Variants in STK32B observed in about 807,000 individuals in gnomAD.
STK32B encodes serine/threonine kinase 32B, also known as serine/threonine-protein kinase 32B.
Under a neutral mutation model 52.6 loss-of-function variants are expected in STK32B, and 43 were observed. The ratio of observed to expected loss-of-function variants is 0.82; its 90% CI spans 0.64 to 1.05. STK32B has a LOEUF of 1.05. Among genes scored for constraint, STK32B ranks in the 50% least tolerant of loss-of-function variants. STK32B has a pLI of 0.00. For missense variants in STK32B, 621 were observed against 534.6 expected (o/e 1.16, Z -1.59); for synonymous variants, 238 against 204.3 (o/e 1.17, Z -1.41).
intron 11 of STK32B, among the ~76,000 whole-genome samples, chr4:5,495,729 G>C (rs951687642): frequency 2.0e-5 from 3 of 152,124 alleles, no homozygotes; most frequent in Non-Finnish European, 4.4e-5. Context: ...GGTCTTTGAT[G>C]ATGGTGATGT....
At chr4:5,173,860 G>A (rs922452128) in intron 3 of STK32B, among the ~76,000 whole-genome samples, 2 of 152,180 alleles carry the variant, frequency 1.3e-5, no homozygotes, top group African/African-American at 4.8e-5. Context: ...GGATATCCTT[G>A]TTAACTTTTT....
In STK32B at chr4:5,230,226, G is replaced by A. The variant is rs118045025; in HGVS notation, c.260+61776G>A. On this transcript the variant is annotated intron_variant, in intron 3 of 11. Coordinates refer to ENST00000282908, the MANE Select transcript of STK32B (RefSeq NM_018401.3). Reference sequence around the variant, plus strand: ...TTTTTTTTTAGTGGAGTCTTGCACCGTCGCCCAGGTTGGAGTGCAGTGGCA... The same window carrying A: ...TTTTTTTTTAGTGGAGTCTTGCACCATCGCCCAGGTTGGAGTGCAGTGGCA... Among the ~76,000 whole-genome samples, 336 of 110,604 alleles carry A rather than the reference G, an allele frequency of 3.0e-3. 8 individuals carry two copies. In the East Asian group the frequency reaches 0.054, roughly 18 times the overall value. The allele number at this position is 110,604 out of a possible 152,430, so 72.6% of individuals were successfully genotyped here. A position where few individuals can be genotyped will look rare whatever the true frequency, so the allele number is the denominator to read the frequency against.
At chr4:5,228,967 C>T (rs188840030) in intron 3 of STK32B, among the ~76,000 whole-genome samples, 6 of 150,082 alleles carry the variant, frequency 4.0e-5, no homozygotes, top group Admixed American at 4.0e-4. Flanking sequence ...AACTCCGTCT[C>T]AAAAGAAAAA....
chr4:5,030,694 A>G, the STK32B span, among the ~76,000 whole-genome samples: 1 of 152,224 alleles, frequency 6.6e-6, no homozygotes, highest in Non-Finnish European at 1.5e-5. Context: ...TTAATAGTGG[A>G]GCCCAGGTTC....
At chr4:5,063,752 A>C (rs535607064) in intron 1 of STK32B, among the ~76,000 whole-genome samples, 1 of 152,222 alleles carries the variant, frequency 6.6e-6, no homozygotes, top group African/African-American at 2.4e-5. Context: ...GTTAGCTACA[A>C]TTAAAGTGTT....
intron 3 of STK32B, among the ~76,000 whole-genome samples, chr4:5,287,076 A>G (rs924088584): frequency 5.3e-5 from 8 of 152,110 alleles, no homozygotes; most frequent in Non-Finnish European, 8.8e-5. Context: ...GATTACAGGC[A>G]TGAGCCACCG....
In STK32B at chr4:5,168,199, C is replaced by T. The variant is rs377155648; in HGVS notation, c.109-100C>T. Reference sequence around the variant, plus strand: ...CCCTAGCAGATTTCAAGAACAGGGACGTGAATCCAGAAGTAAAAATGCAGT... The same window carrying T: ...CCCTAGCAGATTTCAAGAACAGGGATGTGAATCCAGAAGTAAAAATGCAGT... On this transcript the variant is annotated intron_variant, in intron 2 of 11. Coordinates refer to ENST00000282908, the MANE Select transcript of STK32B (RefSeq NM_018401.3). 1.3e-4 allele frequency: 186 copies of T among 1,449,854 alleles called. 1 individual carries two copies. The East Asian group carries it at 2.2e-3, about 18-fold the overall frequency. The allele number at this position is 1,449,854 out of a possible 1,614,324, so 89.8% of individuals were successfully genotyped here.
intron 3 of STK32B, among the ~76,000 whole-genome samples, chr4:5,240,116 A>G (rs557245098): frequency 7.0e-6 from 1 of 142,640 alleles, no homozygotes; most frequent in Non-Finnish European, 1.5e-5. Context: ...CTTGGGTTTG[A>G]CATGTTTGAC....
chr4:5,170,367 G>C (rs1376679311), intron 3 of STK32B, among the ~76,000 whole-genome samples: 3 of 152,032 alleles, frequency 2.0e-5, no homozygotes, highest in Non-Finnish European at 4.4e-5. Context: ...GTGCAGGTTT[G>C]TTACATATGT....
At chr4:5,195,650 G>T (rs183867261) in intron 3 of STK32B, among the ~76,000 whole-genome samples, 1 of 152,080 alleles carries the variant, frequency 6.6e-6, no homozygotes, top group Non-Finnish European at 1.5e-5. Flanking sequence ...CCGAGATCAC[G>T]CACTCTACTC....
At chr4:5,250,579 C>A (rs1024181822) in intron 3 of STK32B, among the ~76,000 whole-genome samples, 2 of 152,268 alleles carry the variant, frequency 1.3e-5, no homozygotes, top group South Asian at 4.1e-4. Flanking sequence ...TCCCAAAGTG[C>A]TAGGATTACA....
intron 3 of STK32B, among the ~76,000 whole-genome samples, chr4:5,245,683 T>A (rs1725393942): frequency 6.6e-6 from 1 of 152,204 alleles, no homozygotes; most frequent in Admixed American, 6.5e-5. Flanking sequence ...GTCTTTACAA[T>A]TTGGCATGTT....
At chr4:5,218,008 T>TTAC (rs567845726) in intron 3 of STK32B, among the ~76,000 whole-genome samples, 4 of 150,846 alleles carry the variant, frequency 2.7e-5, no homozygotes, top group African/African-American at 9.8e-5. Flanking sequence ...ATTATTATTA[T>TTAC]TACTCTTGGT....
intron 5 of STK32B, among the ~76,000 whole-genome samples, chr4:5,407,834 G>C (rs1207336490): frequency 6.6e-6 from 1 of 152,120 alleles, no homozygotes; most frequent in Admixed American, 6.5e-5. Flanking sequence ...ATTACAATCA[G>C]ACATGAGATT....
intron 5 of STK32B, among the ~76,000 whole-genome samples, chr4:5,401,208 A>G (rs546386322): frequency 1.3e-5 from 2 of 152,330 alleles, no homozygotes; most frequent in South Asian, 4.1e-4. Flanking sequence ...TAAGATGAGC[A>G]GGACAGTATG....
rs16836650 is a variant in STK32B, at chr4:5,109,372, C to T, written c.53-30533C>T. ...AAGGACACACACATGGACGAATGCT[C>T]TTGCTGAAGACAGACAGTGGAGCTA... is the stretch of plus-strand genomic sequence containing the variant. On this transcript the variant is annotated intron_variant, in intron 1 of 11. Transcript: ENST00000282908. Among the ~76,000 whole-genome samples, 1,136 of 152,270 alleles carry T rather than the reference C, an allele frequency of 7.5e-3. 14 individuals are homozygous for T. Among genetic ancestry groups the T allele is most frequent in the Middle Eastern group, 0.031 (9 of 294 alleles).
At position 5,460,172 on chromosome 4, in the gene STK32B, G is replaced by A. The variant is rs553561922; in HGVS notation, c.853G>A (p.Asp285Asn). The change falls in exon 9 of 12, where the codon GAC becomes AAC. Residue 285 changes from aspartate (D) to asparagine (N), a missense_variant. Transcript: ENST00000282908. The surrounding 1 kb of genome is among the most constrained non-coding windows in gnomAD (Gnocchi z 4.8). ...CATACAGAGCGTGCCCTACTTGGCCGACATGAACTGGGACGCGGTGTTCAA... is the reference window on the plus strand; with the variant it reads ...CATACAGAGCGTGCCCTACTTGGCCAACATGAACTGGGACGCGGTGTTCAA... ...HDIQSVPYLA[D>N]MNWDAVFKKA... 1.1e-5 allele frequency: 17 copies of A among 1,614,114 alleles called. No individual in the cohort carries two copies. The highest frequency in any genetic ancestry group is 6.7e-5 in the Admixed American group (4 of 60,014).
At chr4:5,223,293 GGGCAGAGCTGCTGCAGA>G (rs1238367345) in intron 3 of STK32B, among the ~76,000 whole-genome samples, 7 of 152,148 alleles carry the variant, frequency 4.6e-5, no homozygotes, top group Admixed American at 4.6e-4. Flanking sequence ...TCTGCTGCAG[GGGCAGAGCTGCTGCAGA>G]GAGCCCCTAA....
chr4:5,046,203 A>G, the STK32B span, among the ~76,000 whole-genome samples: 89 of 152,330 alleles, frequency 5.8e-4, no homozygotes, highest in African/African-American at 2.1e-3. Context: ...GACCACAGAA[A>G]TAACACCACA....
Sources: gnomAD v4.1 joint callset for allele counts (sites outside exome capture counted in the v4.1 genomes callset) on GRCh38, gnomAD v4.1.1 for gene constraint, Gnocchi (gnomAD v3.1) non-coding constraint, MANE v1.5 for transcripts, NCBI Gene and HGNC (gene_info 2026-07-23, HGNC 2026-07-21) for gene names.